The following SBNO1 variants were observed in gnomAD, a reference collection of about 807,000 sequenced individuals.
SBNO1 encodes the protein strawberry notch homolog 1, also known as protein strawberry notch homolog 1.
Under a neutral mutation model 173.6 loss-of-function variants are expected in SBNO1, and 23 were observed. The observed-to-expected ratio is 0.13, with a 90% CI of 0.10 to 0.19. The LOEUF (loss-of-function observed/expected upper bound fraction) is 0.19. Ranked by LOEUF, SBNO1 falls within the 10% of genes least tolerant of loss-of-function variation. SBNO1 has a pLI of 1.00. For missense variants in SBNO1, 1,238 were observed against 1,671.2 expected (o/e 0.74, Z 4.52); for synonymous variants, 632 against 571.5 (o/e 1.11, Z -1.51).
At chr12:123,301,728 T>C (rs1406208236) in intron 30 of SBNO1, among the ~76,000 whole-genome samples, 1 of 152,102 alleles carries the variant, frequency 6.6e-6, no homozygotes, top group African/African-American at 2.4e-5. Flanking sequence ...TCCCTAGATC[T>C]GGGACACCAG....
intron 30 of SBNO1, among the ~76,000 whole-genome samples, chr12:123,299,691 A>AAC (rs2048720664): frequency 6.6e-6 from 1 of 150,936 alleles, no homozygotes; most frequent in African/African-American, 2.4e-5. Context: ...CAAAAAAAAA[A>AAC]AAAAAAAACA....
At chr12:123,347,546 G>GA (rs1242613223) in intron 3 of SBNO1, among the ~76,000 whole-genome samples, 1 of 150,202 alleles carries the variant, frequency 6.7e-6, no homozygotes, top group East Asian at 2.0e-4. Context: ...TGTTTTTTGA[G>GA]ATGAAGTCTC....
At chr12:123,342,282 T>A (rs976776794) in intron 4 of SBNO1, among the ~76,000 whole-genome samples, 1 of 150,694 alleles carries the variant, frequency 6.6e-6, no homozygotes, top group African/African-American at 2.4e-5. Context: ...AATTAAAATT[T>A]AAAAAAATAC....
At chr12:123,344,997 T>C (rs1039794061) in intron 4 of SBNO1, among the ~76,000 whole-genome samples, 1 of 152,202 alleles carries the variant, frequency 6.6e-6, no homozygotes, top group Non-Finnish European at 1.5e-5. Context: ...CTACCTATAA[T>C]ATATAAAACT....
At chr12:123,354,385 G>C (rs1016489911) in intron 1 of SBNO1, among the ~76,000 whole-genome samples, 4 of 152,098 alleles carry the variant, frequency 2.6e-5, no homozygotes, top group Non-Finnish European at 5.9e-5. Context: ...ACTAATGAAA[G>C]AGATTTTAAT....
chr12:123,312,081 C>CTT (rs71765792), intron 24 of SBNO1, among the ~76,000 whole-genome samples: 3 of 144,398 alleles, frequency 2.1e-5, no homozygotes, highest in Non-Finnish European at 3.1e-5. Flanking sequence ...ATCAAGGAAT[C>CTT]TTTTTTTTTT....
intron 15 of SBNO1, among the ~76,000 whole-genome samples, chr12:123,324,557 C>T (rs908074186): frequency 9.2e-5 from 14 of 151,754 alleles, no homozygotes; most frequent in Middle Eastern, 3.4e-3. Context: ...CCTGAGCTCT[C>T]GTGATCCACC....
At position 123,289,817 on chromosome 12, in the gene SBNO1, G is replaced by A. The variant is rs893535916; in HGVS notation, c.*6091C>T. The A allele has an allele frequency of 2.0e-5, 3 of 152,232 alleles. No homozygotes were observed. The highest frequency in any genetic ancestry group is 4.4e-5 in the Non-Finnish European group (3 of 68,046). The allele number at this position is 152,232 out of a possible 1,614,324, so 9.4% of individuals were successfully genotyped here. ...AAAGCTCTCTCTGCCCCATAAAGTG[G>A]GAGTCAGAAAGAGGGCTCAAGCTTC... On this transcript the variant is annotated 3_prime_UTR_variant, in exon 32 of 32. Transcript: ENST00000602398.
intron 24 of SBNO1, among the ~76,000 whole-genome samples, chr12:123,311,746 A>T (rs946753336): frequency 5.7e-4 from 78 of 135,966 alleles, no homozygotes; most frequent in African/African-American, 2.0e-3. Flanking sequence ...ATATATATAT[A>T]TATTTTTGCG....
chr12:123,348,313 A>C (rs1181047699), intron 2 of SBNO1, among the ~76,000 whole-genome samples, 180 bp from the exon 3 acceptor site: 19 of 152,240 alleles, frequency 1.2e-4, no homozygotes. Context: ...AAACGGTACT[A>C]ACAATTCCTT....
At chr12:123,335,626 T>C (rs139171334) in intron 6 of SBNO1, among the ~76,000 whole-genome samples, 48 of 152,356 alleles carry the variant, frequency 3.2e-4, no homozygotes, top group African/African-American at 1.1e-3. Flanking sequence ...CTTGTACAAC[T>C]ACTTAACATT....
At chr12:123,340,899 C>A in intron 5 of SBNO1, 89 bp downstream of exon 5, 1 of 808,056 alleles carries the variant, frequency 1.2e-6, no homozygotes. Context: ...CCAAAAACAG[C>A]TTTCTGAGGG....
intron 20 of SBNO1, among the ~76,000 whole-genome samples, chr12:123,319,027 A>C (rs991129115): frequency 3.4e-5 from 5 of 148,536 alleles, no homozygotes; most frequent in Admixed American, 2.7e-4. Flanking sequence ...GCAATGGTGC[A>C]GTCTTGGCTC....
chr12:123,316,000 G>A (rs193111355), intron 21 of SBNO1, among the ~76,000 whole-genome samples: 39 of 152,246 alleles, frequency 2.6e-4, no homozygotes, highest in Admixed American at 1.0e-3. Flanking sequence ...ACATATAGAA[G>A]TAGCAGCTTC....
At position 123,323,710 on chromosome 12, in the gene SBNO1, A is replaced by G. The variant is rs748549047; in HGVS notation, c.2095T>C (p.Cys699Arg). The change falls in exon 16 of 32, where the codon TGT (cysteine) becomes CGT (arginine). Residue 699 changes from cysteine (C) to arginine (R), a missense_variant. This residue lies in a region of SBNO1 where 81 missense variants were observed against 82.6 expected (regional missense o/e 0.98). Coordinates refer to ENST00000602398, the MANE Select transcript of SBNO1 (RefSeq NM_001167856.3). ...CGCTTCTTTATTTTATTTTCTTTACAAGGACTATCTCTTGGCGAACTGTTG... is the reference window on the plus strand; with the variant it reads ...CGCTTCTTTATTTTATTTTCTTTACGAGGACTATCTCTTGGCGAACTGTTG... ...SNNSSPRDSP[C>R]KENKIKKRKG... 1.9e-6 allele frequency: 3 copies of G among 1,608,758 alleles called. No homozygotes were observed. Among genetic ancestry groups the G allele is most frequent in the Admixed American group, 1.7e-5 (1 of 58,348 alleles).
chr12:123,350,927 G>T (rs536260428), intron 1 of SBNO1, among the ~76,000 whole-genome samples: 1 of 152,242 alleles, frequency 6.6e-6, no homozygotes, highest in African/African-American at 2.4e-5. Flanking sequence ...TTTGAGACCA[G>T]CCCGGCCAAA....
At chr12:123,323,106 G>A (rs996871685) in intron 16 of SBNO1, among the ~76,000 whole-genome samples, 7 of 152,032 alleles carry the variant, frequency 4.6e-5, no homozygotes, top group South Asian at 2.1e-4. Flanking sequence ...ACCTAATTTC[G>A]TATGGACCTC....
intron 15 of SBNO1, among the ~76,000 whole-genome samples, chr12:123,324,215 C>T (rs112694095): frequency 9.1e-4 from 138 of 152,190 alleles, no homozygotes; most frequent in African/African-American, 3.1e-3. Flanking sequence ...CCAGTCATTT[C>T]AACTGCTCAA....
At position 123,334,059 on chromosome 12, in the gene SBNO1, T is replaced by C. The variant is rs769171067; in HGVS notation, c.903A>G (p.Ala301=). The C allele has an allele frequency of 6.3e-7, 1 of 1,576,566 alleles. No individual in the cohort carries two copies. The highest frequency in any genetic ancestry group is 8.6e-7 in the Non-Finnish European group (1 of 1,162,752). ...SALQLEAITY[A]AQQHETFLPN... is the part of the protein sequence containing the mutation. ...ATGAAATATTATTGCTTACCTGGGC[T>C]GCATATGTAATTGCCTCAAGCTGCA... Residue 301 remains alanine (A), a synonymous_variant, in exon 7 of 32, where the codon GCA becomes GCG. Coordinates refer to ENST00000602398, the MANE Select transcript of SBNO1 (RefSeq NM_001167856.3).
Sources: gnomAD v4.1 joint callset for allele counts (sites outside exome capture counted in the v4.1 genomes callset) on GRCh38, gnomAD v4.1.1 for gene constraint, gnomAD v4.1.1 regional missense constraint, MANE v1.5 for transcripts, NCBI Gene and HGNC (gene_info 2026-07-23, HGNC 2026-07-21) for gene names.